The following ARSG variants were observed in gnomAD, a reference collection of about 807,000 sequenced individuals.
The protein encoded by ARSG is ASG.
In ARSG, 37 loss-of-function variants were observed where a neutral mutation model predicts 50.5. The ratio of observed to expected loss-of-function variants is 0.73; its 90% CI spans 0.56 to 0.96. ARSG has a LOEUF of 0.96. Ranked by LOEUF, ARSG falls within the 50% of genes least tolerant of loss-of-function variation. The pLI, the probability that ARSG is intolerant of heterozygous loss-of-function variation, is 0.00. For synonymous variants in ARSG, 225 were observed against 254.6 expected, an observed-to-expected ratio of 0.88 and a Z score of 1.11; for missense variants, 629 against 675.3, an observed-to-expected ratio of 0.93 and a Z score of 0.76.
chr17:68,406,403 C>G (rs188637879), intron 11 of ARSG, among the ~76,000 whole-genome samples: 184 of 152,136 alleles, frequency 1.2e-3, no homozygotes, highest in African/African-American at 4.2e-3. Context: ...GGGTAGATAC[C>G]CAGTAGTGGG....
chr17:68,271,040 A>T lies in ARSG; in HGVS notation c.-552+11614A>T. 1 of 1,614,200 alleles carries T rather than the reference A, an allele frequency of 6.2e-7. No individual in the cohort carries two copies. ...AATTCAGTAGCAAAAGTAAAGGCAA[A>T]CAGAGACACAGTCAATAAGATGACG... On this transcript the variant is annotated intron_variant, in intron 1 of 11. Transcript: ENST00000448504. This position sits in a 1 kb window ranked among gnomAD's most constrained non-coding sequence, Gnocchi z 5.3.
At chr17:68,370,757 A>G (rs1049972322) in intron 8 of ARSG, among the ~76,000 whole-genome samples, 68 of 152,146 alleles carry the variant, frequency 4.5e-4, no homozygotes, top group African/African-American at 1.6e-3. Context: ...TCCTCCTAGA[A>G]CTTCCCAAAG....
the ARSG span, chr17:68,450,970 G>A: frequency 3.3e-6 from 5 of 1,537,944 alleles, no homozygotes; most frequent in East Asian, 2.3e-5. Flanking sequence ...CCATGACACT[G>A]GGCCCGGCGC....
intron 8 of ARSG, among the ~76,000 whole-genome samples, chr17:68,377,340 C>T (rs1010597968): frequency 3.3e-5 from 5 of 152,230 alleles, no homozygotes; most frequent in African/African-American, 1.2e-4. Flanking sequence ...ATACTCGACT[C>T]CTCAGCCACC....
At chr17:68,434,599 G>A in the ARSG span, 1 of 1,613,848 alleles carries the variant, frequency 6.2e-7, no homozygotes, top group Non-Finnish European at 8.5e-7. Flanking sequence ...TGCCCATCAG[G>A]GACAGAGAAC....
chr17:68,419,387 C>A (rs1257121238), intron 11 of ARSG, among the ~76,000 whole-genome samples: 1 of 151,956 alleles, frequency 6.6e-6, no homozygotes, highest in African/African-American at 2.4e-5. Flanking sequence ...ACCAGCCTGG[C>A]CAATATGGTG....
intron 1 of ARSG, among the ~76,000 whole-genome samples, chr17:68,266,748 T>C (rs1389652324): frequency 6.6e-6 from 1 of 150,944 alleles, no homozygotes; most frequent in Non-Finnish European, 1.5e-5. Flanking sequence ...GAGGCGGAGG[T>C]TGCAGTGAGC....
chr17:68,379,111 A>C (rs187052411), intron 8 of ARSG, among the ~76,000 whole-genome samples: 33 of 152,252 alleles, frequency 2.2e-4, no homozygotes, highest in Admixed American at 2.0e-3. Context: ...TCCCATACTC[A>C]GGGCCACCCC....
chr17:68,332,618 G>C (rs1197932769), intron 2 of ARSG, among the ~76,000 whole-genome samples: 1 of 152,126 alleles, frequency 6.6e-6, no homozygotes, highest in Non-Finnish European at 1.5e-5. Flanking sequence ...ACTAATAAAT[G>C]TCCATGAAAT....
At chr17:68,433,470 GT>G in the ARSG span, 1 of 1,613,974 alleles carries the variant, frequency 6.2e-7, no homozygotes, top group Non-Finnish European at 8.5e-7. Context: ...GTACTTGCCT[GT>G]TGGTGACCTG....
chr17:68,390,827 A>G (rs1417085361), intron 9 of ARSG, among the ~76,000 whole-genome samples: 1 of 151,006 alleles, frequency 6.6e-6, no homozygotes, highest in African/African-American at 2.4e-5. Flanking sequence ...GGGATTCACC[A>G]TGTTGGCCGG....
downstream of ARSG, among the ~76,000 whole-genome samples, chr17:68,423,825 C>CAT (rs2082965985): frequency 6.6e-6 from 1 of 152,180 alleles, no homozygotes; most frequent in Non-Finnish European, 1.5e-5. The surrounding 1 kb of genome is among the most constrained non-coding windows in gnomAD (Gnocchi z 4.4). Flanking sequence ...ATACTAATAT[C>CAT]CACATTACCC....
chr17:68,380,993 T>G (rs925151385), intron 8 of ARSG, among the ~76,000 whole-genome samples: 4 of 152,162 alleles, frequency 2.6e-5, no homozygotes, highest in Non-Finnish European at 2.9e-5. Flanking sequence ...TTACCTAGAA[T>G]CAGAGCCCCA....
At chr17:68,330,211 A>G (rs1231521027) in intron 2 of ARSG, among the ~76,000 whole-genome samples, 1 of 150,172 alleles carries the variant, frequency 6.7e-6, no homozygotes. Context: ...CTCCATCTCA[A>G]AAAAAAAAAG....
At chr17:68,369,648 G>A (rs1008288881) in intron 7 of ARSG, among the ~76,000 whole-genome samples, 2 of 152,114 alleles carry the variant, frequency 1.3e-5, no homozygotes, top group African/African-American at 4.8e-5. Flanking sequence ...CTACTATTGG[G>A]GGAATTCCCT....
chr17:68,401,904 A>T lies in ARSG; in HGVS notation c.1303+454A>T, dbSNP rs113543389. On this transcript the variant is annotated intron_variant, in intron 11 of 11. Transcript: ENST00000621439. ...TTCACTGTGACTATCTGTCTCTTAGATGTATACTTTAGAAATGTCATACTG... is the reference window on the plus strand; with the variant it reads ...TTCACTGTGACTATCTGTCTCTTAGTTGTATACTTTAGAAATGTCATACTG... Among the ~76,000 whole-genome samples the T allele has an allele frequency of 9.5e-3, 1,450 of 152,278 alleles. 26 individuals carry two copies. Among genetic ancestry groups the T allele is most frequent in the African/African-American group, 0.033 (1,362 of 41,550 alleles).
chr17:68,436,322 C>A, the ARSG span: 1 of 1,519,162 alleles, frequency 6.6e-7, no homozygotes, highest in Non-Finnish European at 9.1e-7. Flanking sequence ...TATCTATCTC[C>A]TTCCATGACC....
At chr17:68,376,767 T>C (rs2080171228) in intron 8 of ARSG, among the ~76,000 whole-genome samples, 1 of 151,940 alleles carries the variant, frequency 6.6e-6, no homozygotes, top group African/African-American at 2.4e-5. Flanking sequence ...TCATTTCCAC[T>C]GATCCAAAAT....
chr17:68,441,863 A>G, the ARSG span, among the ~76,000 whole-genome samples: 1 of 152,348 alleles, frequency 6.6e-6, no homozygotes, highest in Admixed American at 6.5e-5. Flanking sequence ...ATATCTCCAA[A>G]GAACATCAGA....
Sources: gnomAD v4.1 joint callset for allele counts (sites outside exome capture counted in the v4.1 genomes callset) on GRCh38, gnomAD v4.1.1 for gene constraint, Gnocchi (gnomAD v3.1) non-coding constraint, MANE v1.5 for transcripts, NCBI Gene and HGNC (gene_info 2026-07-23, HGNC 2026-07-21) for gene names.